The following KIAA1217 variants were observed in gnomAD, a reference collection of about 807,000 sequenced individuals.
KIAA1217 encodes sickle tail protein homolog.
Under a neutral mutation model 163.9 loss-of-function variants are expected in KIAA1217, and 88 were observed. The ratio of observed to expected loss-of-function variants is 0.54; its 90% CI spans 0.45 to 0.64. KIAA1217 has a LOEUF of 0.64. KIAA1217 is among the 30% of genes least tolerant of loss of function. The pLI is 0.00. For missense variants in KIAA1217, 2,372 were observed against 2,475.0 expected (o/e 0.96, Z 0.88); for synonymous variants, 903 against 923.1 (o/e 0.98, Z 0.39).
intron 1 of KIAA1217, among the ~76,000 whole-genome samples, chr10:24,219,239 G>A (rs1385210535): frequency 1.3e-5 from 2 of 151,980 alleles, no homozygotes; most frequent in African/African-American, 2.4e-5. Flanking sequence ...TCAGCCTCCC[G>A]AGAAGCTGGG....
At chr10:24,421,775 T>C (rs1564649278) in intron 3 of KIAA1217, among the ~76,000 whole-genome samples, 1 of 152,230 alleles carries the variant, frequency 6.6e-6, no homozygotes, top group Non-Finnish European at 1.5e-5. Context: ...ATTTTAGGGC[T>C]GGACTGTCTA....
intron 3 of KIAA1217, among the ~76,000 whole-genome samples, chr10:24,414,060 T>G (rs961022962): frequency 1.3e-5 from 2 of 152,220 alleles, no homozygotes; most frequent in African/African-American, 4.8e-5. Context: ...CCCATTTTGT[T>G]TAAGTGTGAA....
intron 2 of KIAA1217, among the ~76,000 whole-genome samples, chr10:24,145,579 G>A (rs1012092587): frequency 3.3e-5 from 5 of 152,184 alleles, no homozygotes; most frequent in Admixed American, 2.0e-4. Flanking sequence ...AGTTTATTAC[G>A]GAGTATTGAC....
chr10:23,934,575 A>ATGTGTGTGTGTGTGTG lies in KIAA1217; in HGVS notation c.-320-72649_-320-72648insGTGTGTGTGTGTGTGT, dbSNP rs1420302818. ...CTTTAAAGTATATATATATATATAT[A>ATGTGTGTGTGTGTGTG]TATATATATATATATGTATATATAT... is the stretch of plus-strand genomic sequence containing the variant. On this transcript the variant is annotated intron_variant, in intron 1 of 18. Coordinates refer to the KIAA1217 transcript ENST00000376462. Among the ~76,000 whole-genome samples the ATGTGTGTGTGTGTGTG allele has an allele frequency of 1.9e-3, 125 of 65,948 alleles. 5 individuals are homozygous for ATGTGTGTGTGTGTGTG. The highest frequency in any genetic ancestry group is 0.015 in the African/African-American group (117 of 7,822). 43.3% of individuals were successfully genotyped at this position (65,948 alleles called of 152,430 possible). A position where few individuals can be genotyped will look rare whatever the true frequency, so the allele number is the denominator to read the frequency against.
chr10:24,285,281 T>C (rs979339002), intron 2 of KIAA1217, among the ~76,000 whole-genome samples: 1 of 152,222 alleles, frequency 6.6e-6, no homozygotes, highest in African/African-American at 2.4e-5. Flanking sequence ...TTTTGAAGAC[T>C]TAATCATAAA....
At chr10:24,204,183 G>A (rs2067421196), upstream of KIAA1217, among the ~76,000 whole-genome samples, 3 of 152,204 alleles carry the variant, frequency 2.0e-5, no homozygotes, top group South Asian at 6.2e-4. Flanking sequence ...TTGAGTGTTG[G>A]TGGGTGGCGA....
chr10:23,773,743 C>T (rs1323733383), intron 1 of KIAA1217, among the ~76,000 whole-genome samples: 1 of 152,142 alleles, frequency 6.6e-6, no homozygotes, highest in Non-Finnish European at 1.5e-5. Context: ...TGGGAGTTCA[C>T]TCATGATTTG....
intron 1 of KIAA1217, among the ~76,000 whole-genome samples, chr10:24,006,541 A>G (rs1279781849): frequency 6.6e-6 from 1 of 152,174 alleles, no homozygotes; most frequent in African/African-American, 2.4e-5. Context: ...TGCAATGTCA[A>G]GTTCATTCTT....
chr10:24,387,416 A>G (rs547263707), intron 3 of KIAA1217, among the ~76,000 whole-genome samples: 2 of 152,348 alleles, frequency 1.3e-5, no homozygotes, highest in Admixed American at 1.3e-4. Flanking sequence ...AAATAATAAG[A>G]GCTACTTATG....
chr10:24,311,367 T>G (rs983294219), intron 2 of KIAA1217, among the ~76,000 whole-genome samples: 1 of 152,204 alleles, frequency 6.6e-6, no homozygotes, highest in South Asian at 2.1e-4. Context: ...GGGTCCTCGC[T>G]GGGCTTGTCT....
chr10:24,026,174 T>C (rs1048432634), intron 2 of KIAA1217, among the ~76,000 whole-genome samples: 2 of 151,922 alleles, frequency 1.3e-5, no homozygotes, highest in African/African-American at 4.8e-5. Flanking sequence ...AAGTTGCTAA[T>C]ATTTTCTTAG....
intron 5 of KIAA1217, chr10:24,466,869 G>A (rs2063007405): frequency 1.2e-6 from 1 of 830,546 alleles, no homozygotes; most frequent in Non-Finnish European, 1.5e-6. Flanking sequence ...TTCATTGTGT[G>A]GTCTGATTGA....
At chr10:24,223,351 A>C (rs2069936328) in intron 2 of KIAA1217, among the ~76,000 whole-genome samples, 1 of 152,112 alleles carries the variant, frequency 6.6e-6, no homozygotes, top group Non-Finnish European at 1.5e-5. Flanking sequence ...ATTGCTGCAG[A>C]CATCATCTCA....
At position 24,209,266 on chromosome 10, in the gene KIAA1217, A is replaced by G. The variant is rs377261163; in HGVS notation, c.70+3A>G. 74 of 1,611,628 alleles carry G rather than the reference A, an allele frequency of 4.6e-5. No individual in the cohort carries two copies. Among genetic ancestry groups the G allele is most frequent in the Non-Finnish European group, 6.0e-5 (71 of 1,177,908 alleles). Reference sequence around the variant, plus strand: ...AGCAGACAGAAGACAGATGCAGGGTAAGTAACAGACCCATTCAAAGATGGA... The same window carrying G: ...AGCAGACAGAAGACAGATGCAGGGTGAGTAACAGACCCATTCAAAGATGGA... On this transcript the variant is annotated splice_donor_region_variant and intron_variant, in intron 1 of 20. Transcript: ENST00000376454.
At chr10:24,255,486 C>T (rs2075049018) in intron 2 of KIAA1217, 3 of 455,358 alleles carry the variant, frequency 6.6e-6, no homozygotes, top group Non-Finnish European at 1.3e-5. Context: ...TTCCATGCCA[C>T]ATCTGGACAT....
chr10:23,853,825 A>T (rs1200589050), intron 1 of KIAA1217, among the ~76,000 whole-genome samples: 4 of 152,046 alleles, frequency 2.6e-5, no homozygotes, highest in African/African-American at 4.8e-5. Flanking sequence ...GCATTCTCTG[A>T]TGGTAGTTTG....
chr10:24,245,797 A>AT (rs112794379), intron 2 of KIAA1217, among the ~76,000 whole-genome samples: 52 of 145,962 alleles, frequency 3.6e-4, no homozygotes, highest in Non-Finnish European at 3.5e-4. Flanking sequence ...ACACCAACTA[A>AT]TTTTTTTTTT....
At chr10:24,460,007 T>C (rs1021220603) in intron 5 of KIAA1217, among the ~76,000 whole-genome samples, 1 of 152,022 alleles carries the variant, frequency 6.6e-6, no homozygotes, top group African/African-American at 2.4e-5. Flanking sequence ...GGACTCCCCA[T>C]TTGGTGTTCT....
chr10:23,744,641 G>A (rs537652110), intron 1 of KIAA1217, among the ~76,000 whole-genome samples: 3 of 152,320 alleles, frequency 2.0e-5, no homozygotes, highest in Admixed American at 2.0e-4. Flanking sequence ...TGCTGGGACT[G>A]GGTAATTTTC....
Sources: gnomAD v4.1 joint callset for allele counts (sites outside exome capture counted in the v4.1 genomes callset) on GRCh38, gnomAD v4.1.1 for gene constraint, MANE v1.5 for transcripts, NCBI Gene and HGNC (gene_info 2026-07-23, HGNC 2026-07-21) for gene names.